Variants in AP3B1 observed in about 807,000 individuals in gnomAD.
AP3B1 encodes adaptor related protein complex 3 subunit beta 1.
A neutral mutation model predicts 132.5 loss-of-function variants in AP3B1; 61 were observed. That is an observed-to-expected ratio of 0.46 (90% CI 0.37 to 0.57). The LOEUF is 0.57. Ranked by LOEUF, AP3B1 falls within the 20% of genes least tolerant of loss-of-function variation. The pLI is 0.00. For synonymous variants in AP3B1, 388 were observed against 438.3 expected (o/e 0.89, Z 1.43); for missense variants, 1,120 against 1,289.4 (o/e 0.87, Z 2.01).
At chr5:78,287,067 TA>T (rs1334581976) in intron 1 of AP3B1, among the ~76,000 whole-genome samples, 1 of 152,220 alleles carries the variant, frequency 6.6e-6, no homozygotes, top group Non-Finnish European at 1.5e-5. Flanking sequence ...TGAGCATTTA[TA>T]ACTTTTCATG....
downstream of AP3B1, chr5:78,000,771 G>A (rs1277812725): frequency 6.6e-6 from 1 of 151,980 alleles, no homozygotes; most frequent in Non-Finnish European, 1.5e-5. Context: ...CGACTCAATG[G>A]AACAATTTAA....
intron 17 of AP3B1, among the ~76,000 whole-genome samples, chr5:78,117,468 C>A (rs1463065382): frequency 6.6e-6 from 1 of 151,878 alleles, no homozygotes; most frequent in Non-Finnish European, 1.5e-5. Flanking sequence ...CACCACCACG[C>A]CCAGCTAATT....
At chr5:78,293,244 T>C (rs1396297897) in intron 1 of AP3B1, among the ~76,000 whole-genome samples, 1 of 152,186 alleles carries the variant, frequency 6.6e-6, no homozygotes, top group Non-Finnish European at 1.5e-5. Context: ...GTAAATTAAT[T>C]TGCGAAACAG....
chr5:78,043,635 C>G, intron 22 of AP3B1: 1 of 486,278 alleles, frequency 2.1e-6, no homozygotes, highest in South Asian at 1.6e-5. Context: ...CCAATGGGCT[C>G]TCCATGGTCA....
chr5:78,020,873 C>G (rs1475094612), intron 24 of AP3B1, 84 bp from the exon 25 acceptor site: 2 of 1,107,740 alleles, frequency 1.8e-6, no homozygotes, highest in East Asian at 5.0e-5. Flanking sequence ...GCAATGAAAG[C>G]CTATGCTAGC....
chr5:78,147,726 C>G (rs1753468313), intron 14 of AP3B1, among the ~76,000 whole-genome samples: 1 of 152,112 alleles, frequency 6.6e-6, no homozygotes, highest in Non-Finnish European at 1.5e-5. Flanking sequence ...GGCTTATAGT[C>G]CAGCAACTGT....
At chr5:78,158,884 G>C (rs1260943302) in intron 13 of AP3B1, among the ~76,000 whole-genome samples, 1 of 152,132 alleles carries the variant, frequency 6.6e-6, no homozygotes, top group Non-Finnish European at 1.5e-5. Context: ...TTTTAGTAGA[G>C]ATGGGGTTTC....
intron 18 of AP3B1, among the ~76,000 whole-genome samples, chr5:78,115,029 A>C (rs575795121): frequency 6.6e-6 from 1 of 152,366 alleles, no homozygotes; most frequent in African/African-American, 2.4e-5. Flanking sequence ...AGAACACAAC[A>C]GGGTCTGCCA....
chr5:78,184,150 C>CA (rs1382294717), intron 7 of AP3B1, among the ~76,000 whole-genome samples: 1 of 149,476 alleles, frequency 6.7e-6, no homozygotes, highest in African/African-American at 2.5e-5. Context: ...GCCTGGGTGA[C>CA]AGAGTGAGAC....
chr5:78,088,382 TAAA>T (rs906830851), intron 22 of AP3B1, among the ~76,000 whole-genome samples: 11 of 152,232 alleles, frequency 7.2e-5, no homozygotes, highest in Non-Finnish European at 1.3e-4. Flanking sequence ...CATTGTAGCT[TAAA>T]ACTTTTCACC....
chr5:78,234,838 C>T (rs1041770935), intron 3 of AP3B1, among the ~76,000 whole-genome samples: 5 of 152,176 alleles, frequency 3.3e-5, no homozygotes, highest in African/African-American at 9.7e-5. Context: ...TAGGATCTAA[C>T]TTCTCACACC....
chr5:78,158,199 C>T (rs997613758), intron 13 of AP3B1, among the ~76,000 whole-genome samples: 1 of 152,156 alleles, frequency 6.6e-6, no homozygotes, highest in Admixed American at 6.5e-5. Context: ...TGACTGGGCA[C>T]AGTGGCTCAG....
At chr5:78,187,995 T>C (rs976107536) in intron 7 of AP3B1, among the ~76,000 whole-genome samples, 2 of 152,214 alleles carry the variant, frequency 1.3e-5, no homozygotes, top group Non-Finnish European at 2.9e-5. Flanking sequence ...GGATTCCCTA[T>C]TTAACAAGTG....
In AP3B1 at chr5:78,089,502, G is replaced by T; in HGVS notation, c.2471-3C>A. Reference sequence around the variant, plus strand: ...AACTGGAGTGGATACTGGGTTAACTGTAAGAAAAGGCCCAAATTAGTAAAT... The same window carrying T: ...AACTGGAGTGGATACTGGGTTAACTTTAAGAAAAGGCCCAAATTAGTAAAT... On this transcript the variant is annotated splice_polypyrimidine_tract_variant and splice_region_variant and intron_variant, in intron 21 of 26. Transcript: ENST00000255194. 6.3e-7 allele frequency: 1 copy of T among 1,591,060 alleles called. No homozygotes were observed.
chr5:78,145,809 CTTCTT>C (rs1427148825), intron 14 of AP3B1, among the ~76,000 whole-genome samples: 1 of 152,166 alleles, frequency 6.6e-6, no homozygotes, highest in African/African-American at 2.4e-5. Context: ...TCTTTCACCT[CTTCTT>C]TTAAGGATAG....
At chr5:78,274,008 C>A (rs1748664792) in intron 1 of AP3B1, among the ~76,000 whole-genome samples, 1 of 146,470 alleles carries the variant, frequency 6.8e-6, no homozygotes, top group African/African-American at 2.5e-5. Flanking sequence ...GATGAAATTA[C>A]CCCCGCCCAA....
intron 1 of AP3B1, among the ~76,000 whole-genome samples, chr5:78,292,191 T>A (rs1227403221): frequency 6.6e-6 from 1 of 152,192 alleles, no homozygotes; most frequent in African/African-American, 2.4e-5. Context: ...TATATAAACT[T>A]TGTCATTCGA....
intron 1 of AP3B1, among the ~76,000 whole-genome samples, chr5:78,280,791 T>C (rs1749016335): frequency 6.6e-6 from 1 of 152,214 alleles, no homozygotes; most frequent in Non-Finnish European, 1.5e-5. Context: ...ATGCAATGTC[T>C]GCCTTTGTCC....
chr5:78,098,331 T>A (rs1180679772), intron 21 of AP3B1, among the ~76,000 whole-genome samples: 2 of 151,678 alleles, frequency 1.3e-5, no homozygotes, highest in East Asian at 3.8e-4. Context: ...TATCTCAACA[T>A]ATAAAAATAT....
Sources: gnomAD v4.1 joint callset for allele counts (sites outside exome capture counted in the v4.1 genomes callset) on GRCh38, gnomAD v4.1.1 for gene constraint, MANE v1.5 for transcripts, NCBI Gene and HGNC (gene_info 2026-07-23, HGNC 2026-07-21) for gene names.